DHRS7B: variants seen among roughly 807,000 people sequenced by gnomAD.
The protein encoded by DHRS7B is dehydrogenase/reductase 7B.
In DHRS7B, 24 loss-of-function variants were observed where a neutral mutation model predicts 26.4. The observed-to-expected ratio is 0.91, with a 90% CI of 0.66 to 1.28. The LOEUF (loss-of-function observed/expected upper bound fraction) is 1.28, where lower values mean the gene tolerates loss of function less well. Ranked by LOEUF, DHRS7B falls within the 50% of genes most tolerant of loss-of-function variation. DHRS7B has a pLI of 0.00. For synonymous variants in DHRS7B, 142 were observed against 166.4 expected (o/e 0.85, Z 1.13); for missense variants, 368 against 419.4 (o/e 0.88, Z 1.07).
chr17:21,163,629 C>T (rs1567623741), intron 1 of DHRS7B, among the ~76,000 whole-genome samples: 1 of 152,136 alleles, frequency 6.6e-6, no homozygotes, highest in African/African-American at 2.4e-5. Context: ...TAGCCCTTGC[C>T]ACATGGTAAT....
At chr17:21,165,157 G>A (rs1367856642) in intron 1 of DHRS7B, among the ~76,000 whole-genome samples, 2 of 152,078 alleles carry the variant, frequency 1.3e-5, no homozygotes, top group Non-Finnish European at 1.5e-5. Context: ...TGCACAGCAA[G>A]TATGCAGCAT....
At chr17:21,155,933 T>C (rs1355709137) in intron 1 of DHRS7B, among the ~76,000 whole-genome samples, 2 of 152,158 alleles carry the variant, frequency 1.3e-5, no homozygotes, top group Non-Finnish European at 2.9e-5. Context: ...AATGAAAACC[T>C]TACCAAATTT....
chr17:21,139,674 C>CAA (rs777472260), intron 1 of DHRS7B, among the ~76,000 whole-genome samples: 2 of 132,044 alleles, frequency 1.5e-5, no homozygotes, highest in African/African-American at 2.8e-5. Flanking sequence ...GACTCCATCT[C>CAA]AAAAAAAAAA....
chr17:21,153,337 C>T (rs1231485146), intron 1 of DHRS7B, among the ~76,000 whole-genome samples: 1 of 151,268 alleles, frequency 6.6e-6, no homozygotes, highest in Non-Finnish European at 1.5e-5. Flanking sequence ...TAGAAACTTC[C>T]AAAACTTAAA....
At chr17:21,128,904 T>A (rs1324071481) in intron 1 of DHRS7B, 1 of 147,606 alleles carries the variant, frequency 6.8e-6, no homozygotes, top group African/African-American at 2.5e-5. Flanking sequence ...AGTGACACCC[T>A]GTCTCAAACA....
At chr17:21,187,782 A>G (rs900706126) in intron 5 of DHRS7B, among the ~76,000 whole-genome samples, 2 of 151,858 alleles carry the variant, frequency 1.3e-5, no homozygotes, top group African/African-American at 4.8e-5. Context: ...TTAATGTACT[A>G]TTTGAATGTT....
intron 1 of DHRS7B, among the ~76,000 whole-genome samples, chr17:21,147,517 G>A (rs1324964247): frequency 6.6e-6 from 1 of 152,148 alleles, no homozygotes; most frequent in African/African-American, 2.4e-5. Flanking sequence ...GACAGTTCTC[G>A]AGGCCATGGA....
At chr17:21,150,503 G>A (rs1973747035) in intron 1 of DHRS7B, among the ~76,000 whole-genome samples, 1 of 152,174 alleles carries the variant, frequency 6.6e-6, no homozygotes, top group Non-Finnish European at 1.5e-5. Flanking sequence ...TGTAATCCCA[G>A]CTACTTGGGA....
chr17:21,184,795 A>T (rs147417052), intron 5 of DHRS7B, among the ~76,000 whole-genome samples: 1 of 152,118 alleles, frequency 6.6e-6, no homozygotes, highest in African/African-American at 2.4e-5. Flanking sequence ...TGTGCTAGCC[A>T]CTCCTACTGT....
Position 21,188,618 on chromosome 17 carries a change from A to T in DHRS7B, c.620-93A>T, listed in dbSNP as rs73307610. 5,444 of 1,380,696 alleles carry T rather than the reference A, an allele frequency of 3.9e-3. 153 individuals are homozygous for T. The African/African-American group carries it at 0.067, about 17-fold the overall frequency. 85.5% of individuals were successfully genotyped at this position (1,380,696 alleles called of 1,614,324 possible). The stretch of plus-strand genomic sequence containing the variant: ...GATCACAAATAAAACCAGGTTTTCA[A>T]AACAGAGAGCGTGAATGGTAGTGAA... On this transcript the variant is annotated intron_variant, in intron 5 of 6. Coordinates refer to ENST00000395511, the MANE Select transcript of DHRS7B (RefSeq NM_015510.5).
intron 2 of DHRS7B, among the ~76,000 whole-genome samples, chr17:21,176,380 C>A (rs143573867): frequency 6.6e-6 from 1 of 151,946 alleles, no homozygotes; most frequent in Non-Finnish European, 1.5e-5. Flanking sequence ...GCAGGAAGAT[C>A]GCTTGAGCCC....
At chr17:21,183,299 T>A (rs977528751) in intron 3 of DHRS7B, among the ~76,000 whole-genome samples, 2 of 152,182 alleles carry the variant, frequency 1.3e-5, no homozygotes, top group East Asian at 3.8e-4. Context: ...TGTCTTCTGT[T>A]TTTTCCTTGT....
chr17:21,172,008 G>T lies in DHRS7B; in HGVS notation c.21-10G>T, dbSNP rs1974259585. 6.2e-7 allele frequency: 1 copy of T among 1,614,152 alleles called. No individual in the cohort carries two copies. Among genetic ancestry groups the T allele is most frequent in the East Asian group, 2.2e-5 (1 of 44,876 alleles). On this transcript the variant is annotated splice_polypyrimidine_tract_variant and intron_variant, in intron 1 of 6. Transcript: ENST00000395511. ...TTTGTCACTGGTGTGTTTGGTTTTG[G>T]TTCTTCCAGGAAGAGTCTGCCGAAG...
chr17:21,127,058 G>A (rs750850282), intron 1 of DHRS7B, 67 bp downstream of exon 1: 7 of 1,434,118 alleles, frequency 4.9e-6, no homozygotes, highest in Non-Finnish European at 4.6e-6. Context: ...CTGAGGCGAC[G>A]CCCCGGCTTG....
chr17:21,129,545 A>G (rs1278668232), intron 1 of DHRS7B, among the ~76,000 whole-genome samples: 1 of 151,944 alleles, frequency 6.6e-6, no homozygotes, highest in Non-Finnish European at 1.5e-5. Flanking sequence ...ATTTCTACAA[A>G]AAATAAAAAA....
chr17:21,138,097 TATATACACAC>T (rs1973397480), intron 1 of DHRS7B, among the ~76,000 whole-genome samples: 1 of 87,606 alleles, frequency 1.1e-5, no homozygotes, highest in African/African-American at 5.3e-5. Flanking sequence ...TATATATATA[TATATACACAC>T]ACACACACAC....
At chr17:21,135,292 C>T (rs1043809200) in intron 1 of DHRS7B, among the ~76,000 whole-genome samples, 4 of 152,182 alleles carry the variant, frequency 2.6e-5, no homozygotes, top group African/African-American at 7.2e-5. Flanking sequence ...TCATATTTGA[C>T]AATGCCTCCT....
intron 1 of DHRS7B, among the ~76,000 whole-genome samples, chr17:21,152,231 T>C (rs1021478635): frequency 2.0e-5 from 3 of 152,142 alleles, no homozygotes; most frequent in Non-Finnish European, 4.4e-5. Flanking sequence ...CTCAGCTCAC[T>C]GTAGCCTCAG....
chr17:21,143,035 T>G (rs1168971166), intron 1 of DHRS7B, among the ~76,000 whole-genome samples: 2 of 152,212 alleles, frequency 1.3e-5, no homozygotes, highest in African/African-American at 4.8e-5. Context: ...TTCAAGTGAT[T>G]CTCTTGCCTC....
Sources: allele counts gnomAD v4.1 joint callset (sites outside exome capture counted in the v4.1 genomes callset), GRCh38; gene constraint gnomAD v4.1.1; transcripts MANE v1.5; gene names NCBI Gene and HGNC (gene_info 2026-07-23, HGNC 2026-07-21).